BCAS3: variants seen among roughly 807,000 people sequenced by gnomAD.
The protein encoded by BCAS3 is BCAS3 microtubule associated cell migration factor.
A neutral mutation model predicts 116.1 loss-of-function variants in BCAS3; 53 were observed. The observed-to-expected ratio is 0.46, with a 90% CI of 0.37 to 0.57. The LOEUF (loss-of-function observed/expected upper bound fraction) is 0.57, where lower values mean the gene tolerates loss of function less well. BCAS3 is among the 20% of genes least tolerant of loss of function. BCAS3 has a pLI of 0.00. For synonymous variants in BCAS3, 391 were observed against 408.2 expected (o/e 0.96, Z 0.51); for missense variants, 917 against 1,165.4 (o/e 0.79, Z 3.10).
intron 22 of BCAS3, among the ~76,000 whole-genome samples, chr17:61,294,269 G>C (rs1426697775): frequency 1.3e-5 from 2 of 152,024 alleles, no homozygotes; most frequent in Admixed American, 1.3e-4. Flanking sequence ...TTTTATTCCA[G>C]GCCCACAAAT....
intron 14 of BCAS3, among the ~76,000 whole-genome samples, chr17:60,976,020 C>CTTTTTTTG (rs2062327433): frequency 1.0e-5 from 1 of 98,286 alleles, no homozygotes; most frequent in Non-Finnish European, 1.8e-5. Context: ...TAGATTTTTG[C>CTTTTTTTG]TTTTTTTTTT....
intron 5 of BCAS3, among the ~76,000 whole-genome samples, chr17:60,710,195 A>G (rs1296757070): frequency 1.3e-5 from 2 of 152,124 alleles, no homozygotes; most frequent in Non-Finnish European, 2.9e-5. Flanking sequence ...TATACCTTTA[A>G]TAATTGTATT....
chr17:60,752,648 C>T (rs2042590669), intron 6 of BCAS3, among the ~76,000 whole-genome samples: 1 of 151,984 alleles, frequency 6.6e-6, no homozygotes, highest in East Asian at 1.9e-4. Flanking sequence ...TGGTCTTGAT[C>T]TCCTGACTGC....
In BCAS3 at chr17:61,346,509, T is replaced by C. The variant is rs2057514164; in HGVS notation, c.2426-21818T>C. ...TGTGGGATAGCAGCACATTCAAGCA[T>C]TGACTGTGTATCAGGTGCTGTGCTG... On this transcript the variant is annotated intron_variant, in intron 22 of 23. Coordinates refer to ENST00000407086, the MANE Select transcript of BCAS3 (RefSeq NM_017679.5). This position sits in a 1 kb window ranked among gnomAD's most constrained non-coding sequence, Gnocchi z 5.4. Among the ~76,000 whole-genome samples, 1 of 152,190 alleles carries C rather than the reference T, an allele frequency of 6.6e-6. No individual in the cohort carries two copies. The highest frequency in any genetic ancestry group is 2.1e-4 in the South Asian group (1 of 4,830).
intron 13 of BCAS3, among the ~76,000 whole-genome samples, chr17:60,937,277 T>C (rs966988054): frequency 9.9e-5 from 15 of 152,090 alleles, no homozygotes; most frequent in African/African-American, 2.9e-4. Flanking sequence ...TTTTGAGTTT[T>C]TCTCTCTCTT....
intron 4 of BCAS3, among the ~76,000 whole-genome samples, chr17:60,694,196 A>G (rs2035272188): frequency 6.7e-6 from 1 of 148,680 alleles, no homozygotes; most frequent in African/African-American, 2.6e-5. Flanking sequence ...AAACATTTTA[A>G]TTTTTAAAAA....
At chr17:61,294,612 G>A (rs144068257) in intron 22 of BCAS3, among the ~76,000 whole-genome samples, 98 of 152,302 alleles carry the variant, frequency 6.4e-4, no homozygotes, top group African/African-American at 1.9e-3. Flanking sequence ...TCTTAACATA[G>A]TTGAGTCTCA....
intron 7 of BCAS3, among the ~76,000 whole-genome samples, chr17:60,831,379 G>T (rs2050911392): frequency 6.7e-6 from 1 of 148,372 alleles, no homozygotes; most frequent in Non-Finnish European, 1.5e-5. Context: ...ATTTCACCAT[G>T]TTGGCCAGGC....
At chr17:61,330,638 A>G (rs2056193127) in intron 22 of BCAS3, among the ~76,000 whole-genome samples, 3 of 152,210 alleles carry the variant, frequency 2.0e-5, no homozygotes, top group Admixed American at 6.5e-5. Flanking sequence ...CTCCACAGCC[A>G]CAGGCCCCCA....
chr17:60,750,026 GC>G, intron 6 of BCAS3, among the ~76,000 whole-genome samples: 1 of 152,244 alleles, frequency 6.6e-6, no homozygotes, highest in Non-Finnish European at 1.5e-5. Flanking sequence ...AATTAGCCGA[GC>G]ATGGTGGCCA....
Position 61,388,102 on chromosome 17 carries a change from T to C in BCAS3, c.2594-3875T>C, listed in dbSNP as rs1056392531. Among the ~76,000 whole-genome samples, 11 of 152,160 alleles carry C rather than the reference T, an allele frequency of 7.2e-5. No individual in the cohort carries two copies. Among genetic ancestry groups the C allele is most frequent in the African/African-American group, 2.4e-4 (10 of 41,426 alleles). Reference sequence around the variant, plus strand: ...CTTTCGGGCCCTGGCAGGTTCCTGATGGACTTCCCCAACAGGTCCACCTCA... The same window carrying C: ...CTTTCGGGCCCTGGCAGGTTCCTGACGGACTTCCCCAACAGGTCCACCTCA... On this transcript the variant is annotated intron_variant, in intron 23 of 23. Coordinates refer to ENST00000407086, the MANE Select transcript of BCAS3 (RefSeq NM_017679.5). This position sits in a 1 kb window ranked among gnomAD's most constrained non-coding sequence, Gnocchi z 6.5.
At chr17:61,240,774 C>T (rs1223934708) in intron 22 of BCAS3, among the ~76,000 whole-genome samples, 1 of 152,214 alleles carries the variant, frequency 6.6e-6, no homozygotes, top group Non-Finnish European at 1.5e-5. Context: ...GATTCATTTA[C>T]CTATATCATT....
rs16945081 is a variant in BCAS3, at chr17:61,265,014, A to C, written c.2426-103313A>C. Among the ~76,000 whole-genome samples the C allele has an allele frequency of 0.12, 17,993 of 152,266 alleles. 1,116 individuals carry two copies. Among genetic ancestry groups the C allele is most frequent in the South Asian group, 0.16 (764 of 4,824 alleles). ...TTTGGAGGCAGACAGCCCTGTATTC[A>C]ATTCCACTGTTTATTTTTATTAGCT... On this transcript the variant is annotated intron_variant, in intron 22 of 23. Coordinates refer to ENST00000407086, the MANE Select transcript of BCAS3 (RefSeq NM_017679.5). The surrounding 1 kb of genome is among the most constrained non-coding windows in gnomAD (Gnocchi z 4.3).
chr17:60,832,721 C>T (rs1422749404), intron 7 of BCAS3, among the ~76,000 whole-genome samples: 1 of 152,062 alleles, frequency 6.6e-6, no homozygotes, highest in Non-Finnish European at 1.5e-5. Context: ...GTGTGCTTTT[C>T]AAAATGAATT....
intron 23 of BCAS3, among the ~76,000 whole-genome samples, chr17:61,370,715 A>G (rs1415904530): frequency 6.6e-6 from 1 of 152,234 alleles, no homozygotes; most frequent in Non-Finnish European, 1.5e-5. Flanking sequence ...AAAGGCCAGT[A>G]AGCAAAGCAG....
In BCAS3 at chr17:61,302,335, A is replaced by G. The variant is rs1464406719; in HGVS notation, c.2426-65992A>G. 6.6e-6 allele frequency among the ~76,000 whole-genome samples: 1 copy of G among 152,238 alleles called. No homozygotes were observed. The highest frequency in any genetic ancestry group is 1.5e-5 in the Non-Finnish European group (1 of 68,042). On this transcript the variant is annotated intron_variant, in intron 22 of 23. Coordinates refer to ENST00000407086, the MANE Select transcript of BCAS3 (RefSeq NM_017679.5). The surrounding 1 kb of genome is among the most constrained non-coding windows in gnomAD (Gnocchi z 4.4). ...CAGAGACGACTTCAAGTATTCAGCA[A>G]TAACTCATGTCCACTTAATGTGAAA...
In BCAS3 at chr17:61,261,429, G is replaced by A. The variant is rs981480459; in HGVS notation, c.2426-106898G>A. On this transcript the variant is annotated intron_variant, in intron 22 of 23. Coordinates refer to ENST00000407086, the MANE Select transcript of BCAS3 (RefSeq NM_017679.5). The surrounding 1 kb of genome is among the most constrained non-coding windows in gnomAD (Gnocchi z 4.4). ...TCCTTTTAATTCAAGGCTCAAAACA[G>A]CTTGTAAAGTTTTTTTTATCATTCC... Among the ~76,000 whole-genome samples the A allele has an allele frequency of 6.6e-6, 1 of 152,140 alleles. No individual in the cohort carries two copies. The highest frequency in any genetic ancestry group is 6.5e-5 in the Admixed American group (1 of 15,268).
At chr17:60,903,640 G>A (rs1421834855) in intron 11 of BCAS3, among the ~76,000 whole-genome samples, 2 of 152,002 alleles carry the variant, frequency 1.3e-5, no homozygotes, top group Non-Finnish European at 2.9e-5. Flanking sequence ...GCCATGTTAC[G>A]CAGGCTGGTC....
rs1359706015 is a variant in BCAS3 at position 61,032,078 on chromosome 17, CCT to C, written c.1638-2584_1638-2583del. ...GTATGTCAAAAAACTAAATTGACGT[CCT>C]CTCATTTTTCTACTTTTTATTATCA... On this transcript the variant is annotated intron_variant, in intron 16 of 23. Coordinates refer to ENST00000407086, the MANE Select transcript of BCAS3 (RefSeq NM_017679.5). The surrounding 1 kb of genome is among the most constrained non-coding windows in gnomAD (Gnocchi z 4.6). 6.6e-6 allele frequency among the ~76,000 whole-genome samples: 1 copy of C among 152,044 alleles called. No homozygotes were observed. Among genetic ancestry groups the C allele is most frequent in the Non-Finnish European group, 1.5e-5 (1 of 67,972 alleles).
Sources: allele counts gnomAD v4.1 joint callset (sites outside exome capture counted in the v4.1 genomes callset), GRCh38; gene constraint gnomAD v4.1.1; non-coding constraint Gnocchi (gnomAD v3.1); transcripts MANE v1.5; gene names NCBI Gene and HGNC (gene_info 2026-07-23, HGNC 2026-07-21).